The following LRBA variants were observed in gnomAD, a reference collection of about 807,000 sequenced individuals.
The protein encoded by LRBA is lipopolysaccharide-responsive and beige-like anchor protein.
LRBA carries 176 observed loss-of-function variants against 330.0 expected under a neutral mutation model. That is an observed-to-expected ratio of 0.53 (90% CI 0.47 to 0.60). LRBA has a LOEUF of 0.60. Ranked by LOEUF, LRBA falls within the 20% of genes least tolerant of loss-of-function variation. The pLI is 0.00. For synonymous variants in LRBA, 1,230 were observed against 1,193.0 expected (o/e 1.03, Z -0.64); for missense variants, 3,259 against 3,444.8 (o/e 0.95, Z 1.35).
At chr4:150,567,565 G>A (rs28405183) in intron 40 of LRBA, among the ~76,000 whole-genome samples, 9,283 of 152,076 alleles carry the variant, frequency 0.061, 457 homozygotes, top group East Asian at 0.18. Context: ...CTCTAGCAAG[G>A]TTTCTATACA....
intron 13 of LRBA, among the ~76,000 whole-genome samples, chr4:150,904,798 T>G (rs1731143950): frequency 1.3e-5 from 2 of 152,264 alleles, no homozygotes; most frequent in South Asian, 2.1e-4. Context: ...AGTCAGCAGC[T>G]GTTTTTCTCT....
chr4:150,436,639 A>C (rs1751146779), intron 45 of LRBA, 85 bp downstream of exon 45: 5 of 1,144,928 alleles, frequency 4.4e-6, no homozygotes, highest in Non-Finnish European at 6.1e-6. Flanking sequence ...TATTCAAAAA[A>C]ATATGCTTAT....
rs756537226 is a variant in LRBA, at chr4:150,583,488, G to A, written c.6330+4560C>T. Reference sequence around the variant, plus strand: ...ATCGGGATGTGGTCAAGATGATCGCGGACACCAGCGAGGTCAAGTTGCGCA... The same window carrying A: ...ATCGGGATGTGGTCAAGATGATCGCAGACACCAGCGAGGTCAAGTTGCGCA... On this transcript the variant is annotated intron_variant, in intron 40 of 56. Coordinates refer to ENST00000651943, the MANE Select transcript of LRBA (RefSeq NM_001364905.1). This position sits in a 1 kb window ranked among gnomAD's most constrained non-coding sequence, Gnocchi z 9.8. The A allele has an allele frequency of 1.9e-6, 3 of 1,613,918 alleles. No homozygotes were observed. The highest frequency in any genetic ancestry group is 1.7e-6 in the Non-Finnish European group (2 of 1,180,032).
chr4:150,486,771 T>C (rs556519902), intron 42 of LRBA, among the ~76,000 whole-genome samples: 1 of 151,950 alleles, frequency 6.6e-6, no homozygotes, highest in African/African-American at 2.4e-5. Flanking sequence ...TTTGTATCCT[T>C]TGACCAACAT....
Position 150,777,590 on chromosome 4 carries a change from T to C in LRBA, c.5581-15743A>G, listed in dbSNP as rs184825116. On this transcript the variant is annotated intron_variant, in intron 34 of 56. Coordinates refer to ENST00000651943, the MANE Select transcript of LRBA (RefSeq NM_001364905.1). Reference sequence around the variant, plus strand: ...TAGTTGACAGAAACACTCCTAGGAGTTCAGGGAGAAAGCCAGGGAGGATAG... The same window carrying C: ...TAGTTGACAGAAACACTCCTAGGAGCTCAGGGAGAAAGCCAGGGAGGATAG... 2.3e-3 allele frequency among the ~76,000 whole-genome samples: 355 copies of C among 151,554 alleles called. 4 individuals carry two copies. Among genetic ancestry groups the C allele is most frequent in the South Asian group, 0.02 (96 of 4,800 alleles).
chr4:150,867,903 A>T (rs755878261), intron 21 of LRBA, 40 bp from the exon 22 acceptor site: 3 of 1,461,342 alleles, frequency 2.1e-6, no homozygotes, highest in Admixed American at 2.1e-5. Flanking sequence ...TGAAGAAAAA[A>T]AAATTATCTA....
intron 40 of LRBA, among the ~76,000 whole-genome samples, chr4:150,569,753 C>G (rs1204288718): frequency 6.6e-6 from 1 of 152,116 alleles, no homozygotes; most frequent in Non-Finnish European, 1.5e-5. Context: ...GGGCCCAGAT[C>G]TGACCACCAT....
intron 47 of LRBA, among the ~76,000 whole-genome samples, chr4:150,406,602 C>A (rs1168620565): frequency 2.0e-5 from 3 of 152,036 alleles, no homozygotes; most frequent in Non-Finnish European, 4.4e-5. Flanking sequence ...CAAACAGAGA[C>A]AATTTATGAC....
intron 44 of LRBA, among the ~76,000 whole-genome samples, chr4:150,463,043 C>T (rs1454437573): frequency 2.0e-5 from 3 of 152,028 alleles, no homozygotes; most frequent in South Asian, 4.1e-4. Context: ...TAAACAATCA[C>T]CGCTATTTTA....
At chr4:150,989,884 A>G in intron 2 of LRBA, among the ~76,000 whole-genome samples, 1 of 151,930 alleles carries the variant, frequency 6.6e-6, no homozygotes, top group East Asian at 1.9e-4. Flanking sequence ...AGAACTTTGG[A>G]AGGCTAAGGT....
chr4:150,934,339 C>T (rs1426946815), intron 2 of LRBA, among the ~76,000 whole-genome samples: 2 of 152,170 alleles, frequency 1.3e-5, no homozygotes, highest in African/African-American at 2.4e-5. Flanking sequence ...TATTGGCCTT[C>T]ATAGAACATA....
intron 37 of LRBA, among the ~76,000 whole-genome samples, chr4:150,606,683 T>C (rs1159813227): frequency 6.6e-6 from 1 of 152,172 alleles, no homozygotes; most frequent in Non-Finnish European, 1.5e-5. Flanking sequence ...GTTTTACCCA[T>C]TGGTAGTAAA....
At chr4:150,669,878 T>A (rs1781899809) in intron 37 of LRBA, among the ~76,000 whole-genome samples, 2 of 152,170 alleles carry the variant, frequency 1.3e-5, no homozygotes, top group Non-Finnish European at 2.9e-5. Context: ...TATTTTCACT[T>A]AATTAAATGG....
intron 37 of LRBA, among the ~76,000 whole-genome samples, chr4:150,656,739 G>T (rs944328617): frequency 5.9e-5 from 9 of 152,088 alleles, no homozygotes; most frequent in African/African-American, 9.7e-5. Context: ...ACCCATGAAG[G>T]CAGGAAATTT....
At chr4:150,883,638 T>C (rs778825211) in intron 17 of LRBA, among the ~76,000 whole-genome samples, 44 of 152,338 alleles carry the variant, frequency 2.9e-4, no homozygotes, top group Non-Finnish European at 5.9e-4. Context: ...TACTGAATTT[T>C]TGGACCCAAA....
chr4:150,507,517 C>T (rs1354111122), intron 40 of LRBA, among the ~76,000 whole-genome samples: 1 of 152,126 alleles, frequency 6.6e-6, no homozygotes, highest in African/African-American at 2.4e-5. Context: ...GGAAAACTGG[C>T]TAGCCATATG....
At chr4:150,610,661 G>A (rs1362641658) in intron 37 of LRBA, among the ~76,000 whole-genome samples, 14 of 152,106 alleles carry the variant, frequency 9.2e-5, no homozygotes, top group Admixed American at 8.5e-4. Flanking sequence ...ATTTAGGACT[G>A]ATTTGGTTGG....
intron 40 of LRBA, among the ~76,000 whole-genome samples, chr4:150,493,599 T>C (rs1320143877): frequency 6.6e-6 from 1 of 152,226 alleles, no homozygotes. Flanking sequence ...AACCTGGATC[T>C]GTATGCCACA....
chr4:150,494,858 G>A (rs1475771171), intron 40 of LRBA, among the ~76,000 whole-genome samples: 1 of 152,136 alleles, frequency 6.6e-6, no homozygotes, highest in Admixed American at 6.5e-5. Context: ...AAATTAGCCA[G>A]GCGTGGTTGC....
Sources: allele counts gnomAD v4.1 joint callset (sites outside exome capture counted in the v4.1 genomes callset), GRCh38; gene constraint gnomAD v4.1.1; non-coding constraint Gnocchi (gnomAD v3.1); transcripts MANE v1.5; gene names NCBI Gene and HGNC (gene_info 2026-07-23, HGNC 2026-07-21).